Variants in B3GALT1 observed in about 807,000 individuals in gnomAD.
B3GALT1 encodes UDP-Gal:betaGlcNAc beta 1,3-galactosyltransferase, polypeptide 1.
B3GALT1 carries 10 observed loss-of-function variants against 23.2 expected under a neutral mutation model. That is an observed-to-expected ratio of 0.43 (90% CI 0.27 to 0.73). B3GALT1 has a LOEUF of 0.73. Ranked by LOEUF, B3GALT1 falls within the 30% of genes least tolerant of loss-of-function variation. B3GALT1 has a pLI of 0.21. For synonymous variants in B3GALT1, 156 were observed against 141.5 expected, an observed-to-expected ratio of 1.10 and a Z score of -0.73; for missense variants, 299 against 405.4, an observed-to-expected ratio of 0.74 and a Z score of 2.25.
chr2:167,659,532 C>G (rs371530897), intron 3 of B3GALT1, among the ~76,000 whole-genome samples: 1 of 152,024 alleles, frequency 6.6e-6, no homozygotes, highest in Non-Finnish European at 1.5e-5. Context: ...ATACATTGTA[C>G]GGAGTCAGGA....
In B3GALT1 at chr2:167,871,321, T is replaced by C. The variant is rs1432029577; in HGVS notation, c.*1301T>C. The C allele has an allele frequency of 6.6e-6, 1 of 152,234 alleles. No homozygotes were observed. Among genetic ancestry groups the C allele is most frequent in the Non-Finnish European group, 1.5e-5 (1 of 68,034 alleles). 9.4% of individuals were successfully genotyped at this position (152,234 alleles called of 1,614,324 possible). On this transcript the variant is annotated 3_prime_UTR_variant, in exon 5 of 5. Transcript: ENST00000392690. ...TTGAGATCCTTAGCTTAAAAGGTGCTACGTAATGCAATGTATCATGTATTA... is the reference window on the plus strand; with the variant it reads ...TTGAGATCCTTAGCTTAAAAGGTGCCACGTAATGCAATGTATCATGTATTA...
At chr2:167,860,763 T>A (rs1179235741) in intron 4 of B3GALT1, among the ~76,000 whole-genome samples, 1 of 152,066 alleles carries the variant, frequency 6.6e-6, no homozygotes, top group Non-Finnish European at 1.5e-5. Flanking sequence ...CTAATCTGAG[T>A]TTTTAAAGGG....
rs190202872 is a variant in B3GALT1, at chr2:167,767,387, A to G, written c.-351-51285A>G. 5.3e-4 allele frequency among the ~76,000 whole-genome samples: 80 copies of G among 152,248 alleles called. No homozygotes were observed. The Middle Eastern group carries it at 0.017, about 33-fold the overall frequency. The stretch of plus-strand genomic sequence containing the variant: ...CCCATAAACTTTTTGTAAAGTATCA[A>G]TGATTTCACCATTCTTTCACCCAAT... On this transcript the variant is annotated intron_variant, in intron 3 of 4. Coordinates refer to ENST00000392690, the MANE Select transcript of B3GALT1 (RefSeq NM_020981.4).
intron 2 of B3GALT1, among the ~76,000 whole-genome samples, chr2:167,571,669 T>G (rs910127024): frequency 1.3e-5 from 2 of 151,878 alleles, no homozygotes; most frequent in Non-Finnish European, 2.9e-5. Flanking sequence ...AATTTTAACC[T>G]GGACTTTCCA....
intron 3 of B3GALT1, among the ~76,000 whole-genome samples, chr2:167,802,664 A>G (rs186247508): frequency 2.6e-4 from 39 of 152,286 alleles, no homozygotes; most frequent in Middle Eastern, 6.8e-3. Context: ...TGAAAATCCT[A>G]TTATATCTAT....
intron 1 of B3GALT1, among the ~76,000 whole-genome samples, chr2:167,435,942 CACACACACACAA>C (rs1477656479): frequency 1.8e-4 from 25 of 137,730 alleles, no homozygotes; most frequent in African/African-American, 8.0e-4. Context: ...GTCTACCCTC[CACACACACACAA>C]ACACACACAC....
At chr2:167,739,521 G>A (rs1687544137) in intron 3 of B3GALT1, among the ~76,000 whole-genome samples, 1 of 152,210 alleles carries the variant, frequency 6.6e-6, no homozygotes, top group African/African-American at 2.4e-5. Flanking sequence ...GCATGAGAAA[G>A]TGACTTGTGC....
At chr2:167,586,449 G>A (rs946853325) in intron 2 of B3GALT1, among the ~76,000 whole-genome samples, 6 of 152,082 alleles carry the variant, frequency 3.9e-5, no homozygotes, top group East Asian at 1.9e-4. Flanking sequence ...ACAGGTGCCC[G>A]TCACCATGCC....
chr2:167,789,869 G>T (rs980753567), intron 3 of B3GALT1, among the ~76,000 whole-genome samples: 4 of 152,078 alleles, frequency 2.6e-5, no homozygotes, highest in Non-Finnish European at 5.9e-5. Flanking sequence ...CGGGCCCCTT[G>T]GAACAGTGTC....
At chr2:167,711,233 C>G (rs1465802019) in intron 3 of B3GALT1, among the ~76,000 whole-genome samples, 1 of 152,176 alleles carries the variant, frequency 6.6e-6, no homozygotes, top group Non-Finnish European at 1.5e-5. Flanking sequence ...AGGATGCATT[C>G]CCTGATCCAA....
intron 3 of B3GALT1, among the ~76,000 whole-genome samples, chr2:167,677,446 A>G (rs1369521395): frequency 1.3e-5 from 2 of 152,276 alleles, no homozygotes; most frequent in South Asian, 4.1e-4. Flanking sequence ...GCACCATCCC[A>G]CTCTAACCTT....
intron 1 of B3GALT1, among the ~76,000 whole-genome samples, chr2:167,338,120 G>A (rs75067760): frequency 0.063 from 9,556 of 152,118 alleles, 384 homozygotes; most frequent in Non-Finnish European, 0.098. Context: ...CTAATTTCTC[G>A]TTTTAGGAAA....
chr2:167,466,155 G>A (rs1047545460), intron 1 of B3GALT1, among the ~76,000 whole-genome samples: 3 of 152,046 alleles, frequency 2.0e-5, no homozygotes, highest in African/African-American at 7.2e-5. Context: ...TGTTAATAAT[G>A]GCCTAGCTTC....
At chr2:167,469,340 A>T (rs991212620) in intron 1 of B3GALT1, among the ~76,000 whole-genome samples, 4 of 152,238 alleles carry the variant, frequency 2.6e-5, no homozygotes, top group African/African-American at 7.2e-5. Flanking sequence ...TATTATGAGG[A>T]TTAAATAAAT....
intron 3 of B3GALT1, among the ~76,000 whole-genome samples, chr2:167,681,091 A>G (rs1212586670): frequency 2.6e-5 from 4 of 152,186 alleles, no homozygotes; most frequent in African/African-American, 9.6e-5. Flanking sequence ...ATAACCAGAA[A>G]TGAGGTTAGG....
intron 1 of B3GALT1, among the ~76,000 whole-genome samples, chr2:167,392,789 CTTATA>C (rs765074830): frequency 1.1e-4 from 17 of 152,144 alleles, no homozygotes; most frequent in Admixed American, 3.9e-4. Context: ...ATTTATTTGA[CTTATA>C]TTATAATTTA....
At chr2:167,689,438 G>T (rs1187213050) in intron 3 of B3GALT1, among the ~76,000 whole-genome samples, 1 of 152,100 alleles carries the variant, frequency 6.6e-6, no homozygotes. Flanking sequence ...AGAATGAAAA[G>T]AATAAAAGGA....
intron 1 of B3GALT1, among the ~76,000 whole-genome samples, chr2:167,469,918 T>C (rs1035867788): frequency 1.3e-5 from 2 of 152,216 alleles, no homozygotes; most frequent in African/African-American, 4.8e-5. Context: ...TACTTATTAA[T>C]AGCAAATTGT....
At chr2:167,575,448 T>G (rs1355093127) in intron 2 of B3GALT1, among the ~76,000 whole-genome samples, 20 of 151,818 alleles carry the variant, frequency 1.3e-4, no homozygotes, top group Non-Finnish European at 1.5e-5. Context: ...TACAGATCAT[T>G]CATAATAATG....
Sources: gnomAD v4.1 joint callset for allele counts (sites outside exome capture counted in the v4.1 genomes callset) on GRCh38, gnomAD v4.1.1 for gene constraint, MANE v1.5 for transcripts, NCBI Gene and HGNC (gene_info 2026-07-23, HGNC 2026-07-21) for gene names.